Variants in CLOCK observed in about 807,000 individuals in gnomAD.
The protein encoded by CLOCK is circadian locomoter output cycles protein kaput.
Under a neutral mutation model 118.4 loss-of-function variants are expected in CLOCK, and 43 were observed. That is an observed-to-expected ratio of 0.36 (90% confidence interval 0.28 to 0.47). The LOEUF (loss-of-function observed/expected upper bound fraction) is 0.47. CLOCK is among the 20% of genes least tolerant of loss of function. CLOCK has a pLI of 1.00. For missense variants in CLOCK, 846 were observed against 999.9 expected, an observed-to-expected ratio of 0.85 and a Z score of 2.08; for synonymous variants, 326 against 339.2, an observed-to-expected ratio of 0.96 and a Z score of 0.43.
intron 15 of CLOCK, 96 bp from the exon 16 acceptor site, chr4:55,450,328 G>A (rs905590640): frequency 9.4e-6 from 14 of 1,487,062 alleles, no homozygotes; most frequent in Non-Finnish European, 1.2e-5. Context: ...ATCAGTTTTT[G>A]TCTATAACAA....
chr4:55,475,319 T>G (rs1022531575), intron 7 of CLOCK, among the ~76,000 whole-genome samples: 1 of 151,882 alleles, frequency 6.6e-6, no homozygotes, highest in African/African-American at 2.4e-5. Flanking sequence ...TGATGAGGAG[T>G]TGCTCCACTG....
chr4:55,444,402 T>TA (rs1210004819), intron 19 of CLOCK, among the ~76,000 whole-genome samples: 1 of 152,076 alleles, frequency 6.6e-6, no homozygotes, highest in Non-Finnish European at 1.5e-5. Context: ...TTTGGACTGG[T>TA]AAAAAAAGAT....
At chr4:55,446,899 A>C (rs1360846620) in intron 18 of CLOCK, among the ~76,000 whole-genome samples, 1 of 152,192 alleles carries the variant, frequency 6.6e-6, no homozygotes, top group Non-Finnish European at 1.5e-5. Flanking sequence ...CTCTATCTTC[A>C]ATAGTTTGTA....
intron 7 of CLOCK, among the ~76,000 whole-genome samples, chr4:55,473,632 T>C (rs999668426): frequency 3.3e-5 from 5 of 152,206 alleles, no homozygotes; most frequent in African/African-American, 1.2e-4. Context: ...CTTCGCTTTA[T>C]TGAACTTCAG....
At chr4:55,472,032 C>CT (rs1447807250) in intron 7 of CLOCK, among the ~76,000 whole-genome samples, 1 of 152,108 alleles carries the variant, frequency 6.6e-6, no homozygotes, top group Non-Finnish European at 1.5e-5. Flanking sequence ...GACCATGTCA[C>CT]TGCACTCCAG....
chr4:55,519,700 C>A (rs1013152690), intron 1 of CLOCK, among the ~76,000 whole-genome samples: 3 of 152,056 alleles, frequency 2.0e-5, no homozygotes, highest in Non-Finnish European at 4.4e-5. Context: ...ACCAATTGAA[C>A]CCGGAAAGCG....
chr4:55,513,369 T>C (rs1293920966), intron 1 of CLOCK, among the ~76,000 whole-genome samples: 3 of 152,068 alleles, frequency 2.0e-5, no homozygotes, highest in Non-Finnish European at 4.4e-5. Context: ...ATATACTCTA[T>C]GTTATTTGAA....
At chr4:55,445,380 TA>T (rs1723724220) in intron 18 of CLOCK, among the ~76,000 whole-genome samples, 1 of 152,090 alleles carries the variant, frequency 6.6e-6, no homozygotes, top group Admixed American at 6.5e-5. Context: ...TCTCTACCTC[TA>T]ATCTGTGGCA....
intron 8 of CLOCK, among the ~76,000 whole-genome samples, chr4:55,467,763 G>A (rs1335878309): frequency 6.7e-6 from 1 of 150,168 alleles, no homozygotes; most frequent in Non-Finnish European, 1.5e-5. Context: ...CCTTTTTTCT[G>A]CCTATGCTAG....
At chr4:55,537,239 C>T (rs1165488040) in intron 1 of CLOCK, among the ~76,000 whole-genome samples, 2 of 152,042 alleles carry the variant, frequency 1.3e-5, no homozygotes, top group Non-Finnish European at 2.9e-5. Flanking sequence ...CCCAGCACTC[C>T]AGGAGGCCAA....
At chr4:55,515,875 A>G (rs942647803) in intron 1 of CLOCK, among the ~76,000 whole-genome samples, 7 of 152,042 alleles carry the variant, frequency 4.6e-5, no homozygotes, top group African/African-American at 1.7e-4. Flanking sequence ...TTTCATTTTC[A>G]TTTAGTTCAA....
intron 2 of CLOCK, among the ~76,000 whole-genome samples, chr4:55,498,149 G>A (rs1299880369): frequency 6.6e-6 from 1 of 152,126 alleles, no homozygotes; most frequent in Non-Finnish European, 1.5e-5. Context: ...TAATGACAAT[G>A]TTTGACATAT....
chr4:55,542,124 T>G (rs1031757928), intron 1 of CLOCK, among the ~76,000 whole-genome samples: 1 of 151,758 alleles, frequency 6.6e-6, no homozygotes, highest in Non-Finnish European at 1.5e-5. Flanking sequence ...GCGGATCACC[T>G]GAGGTCAGCA....
chr4:55,443,883 T>G lies in CLOCK; in HGVS notation c.1706A>C (p.Gln569Pro), dbSNP rs754789250. 2 of 1,612,568 alleles carry G rather than the reference T, an allele frequency of 1.2e-6. No individual in the cohort carries two copies. The highest frequency in any genetic ancestry group is 1.7e-6 in the Non-Finnish European group (2 of 1,179,844). The part of the protein sequence containing the change: ...HGQGLQMFLQ[Q>P]SNPGLNFGSV... ...ACCAAAATTCAACCCAGGATTTGAT[T>G]GTTGCAAAAACATCTTTAAAAATAA... The change falls in exon 20 of 23, where the codon CAA becomes CCA. Residue 569 changes from glutamine (Q) to proline (P), a missense_variant. Transcript: ENST00000513440.
chr4:55,497,750 T>C (rs982122796), intron 2 of CLOCK, among the ~76,000 whole-genome samples: 1 of 152,216 alleles, frequency 6.6e-6, no homozygotes, highest in African/African-American at 2.4e-5. Context: ...TCTAGGGATA[T>C]TCTTCTGAAC....
Position 55,508,678 on chromosome 4 carries a change from C to T in CLOCK, c.-136+1234G>A, listed in dbSNP as rs1170721917. Among the ~76,000 whole-genome samples, 4 of 151,830 alleles carry T rather than the reference C, an allele frequency of 2.6e-5. No homozygotes were observed. In the East Asian group the frequency reaches 5.8e-4, roughly 22 times the overall value. ...CATGATCTCGGCTCACTGCAAGCGC[C>T]GACTCCCGGGTTCACGCCATTCTTC... On this transcript the variant is annotated intron_variant, in intron 2 of 22. Coordinates refer to ENST00000513440, the MANE Select transcript of CLOCK (RefSeq NM_004898.4).
chr4:55,507,846 A>C (rs1267661128), intron 2 of CLOCK, among the ~76,000 whole-genome samples: 1 of 152,090 alleles, frequency 6.6e-6, no homozygotes, highest in Non-Finnish European at 1.5e-5. Context: ...CTAACTGTGG[A>C]GTTGAGAAAT....
intron 1 of CLOCK, among the ~76,000 whole-genome samples, chr4:55,534,787 T>C (rs2110098150): frequency 6.6e-6 from 1 of 151,906 alleles, no homozygotes; most frequent in East Asian, 1.9e-4. Context: ...CTGAGAAAAA[T>C]GAAAGGCCTA....
At chr4:55,516,010 G>GCCCA (rs1729486645) in intron 1 of CLOCK, among the ~76,000 whole-genome samples, 1 of 152,058 alleles carries the variant, frequency 6.6e-6, no homozygotes, top group Admixed American at 6.6e-5. Flanking sequence ...AAGTATTTGG[G>GCCCA]GATTTTCCAG....
Sources: allele counts gnomAD v4.1 joint callset (sites outside exome capture counted in the v4.1 genomes callset), GRCh38; gene constraint gnomAD v4.1.1; transcripts MANE v1.5; gene names NCBI Gene and HGNC (gene_info 2026-07-23, HGNC 2026-07-21).